TUSC3: variants seen among roughly 807,000 people sequenced by gnomAD.
TUSC3 encodes the protein dolichyl-diphosphooligosaccharide--protein glycosyltransferase subunit TUSC3.
A neutral mutation model predicts 44.8 loss-of-function variants in TUSC3; 45 were observed. That is an observed-to-expected ratio of 1.00 (90% CI 0.79 to 1.29). The LOEUF is 1.29. Among genes scored for constraint, TUSC3 ranks in the 50% most tolerant of loss-of-function variants. TUSC3 has a pLI of 0.00. For synonymous variants in TUSC3, 212 were observed against 152.9 expected, an observed-to-expected ratio of 1.39 and a Z score of -2.85; for missense variants, 519 against 437.9, an observed-to-expected ratio of 1.19 and a Z score of -1.65.
chr8:15,842,205 A>G, the TUSC3 span, among the ~76,000 whole-genome samples: 3 of 152,182 alleles, frequency 2.0e-5, no homozygotes, highest in Non-Finnish European at 4.4e-5. Context: ...AAGAAGCTAC[A>G]TCCTAAGAGA....
intron 2 of TUSC3, among the ~76,000 whole-genome samples, chr8:15,530,463 A>T: frequency 6.6e-6 from 1 of 152,174 alleles, no homozygotes; most frequent in East Asian, 1.9e-4. Context: ...CACTTGTTTC[A>T]TCTTCATGGT....
At chr8:15,682,448 G>A (rs933893994) in intron 6 of TUSC3, among the ~76,000 whole-genome samples, 3 of 151,840 alleles carry the variant, frequency 2.0e-5, no homozygotes, top group Non-Finnish European at 2.9e-5. Flanking sequence ...AACTGTTGTC[G>A]TTTTAAAGTC....
intron 2 of TUSC3, among the ~76,000 whole-genome samples, chr8:15,630,930 C>T (rs1277689203): frequency 6.6e-6 from 1 of 152,048 alleles, no homozygotes; most frequent in Non-Finnish European, 1.5e-5. Context: ...AACTTGGGTC[C>T]CTTGTACATC....
At chr8:15,504,605 ATATATATATATATATATTTTTTTTT>A (rs1801022437) in intron 2 of TUSC3, among the ~76,000 whole-genome samples, 1 of 31,164 alleles carries the variant, frequency 3.2e-5, no homozygotes, top group African/African-American at 1.6e-4. Context: ...ATATATATAT[ATATATATATATATATATTTTTTTTT>A]TTTTTTTTTT....
intron 1 of TUSC3, among the ~76,000 whole-genome samples, chr8:15,588,467 T>C (rs190499009): frequency 1.3e-5 from 2 of 152,194 alleles, no homozygotes; most frequent in African/African-American, 4.8e-5. Context: ...TCGTTCCTTG[T>C]TGGATGAATA....
chr8:15,770,633 A>T (rs140444285), downstream of TUSC3, among the ~76,000 whole-genome samples: 2 of 152,038 alleles, frequency 1.3e-5, no homozygotes, highest in African/African-American at 2.4e-5. Flanking sequence ...TTGAAATTAT[A>T]ATAATATAGT....
chr8:15,658,226 C>A (rs1378258875), intron 3 of TUSC3, among the ~76,000 whole-genome samples: 1 of 152,072 alleles, frequency 6.6e-6, no homozygotes, highest in African/African-American at 2.4e-5. Context: ...AATTTGATTG[C>A]ATTTGCAGTA....
chr8:15,811,045 G>A, the TUSC3 span, among the ~76,000 whole-genome samples: 3 of 151,964 alleles, frequency 2.0e-5, no homozygotes, highest in Non-Finnish European at 2.9e-5. Flanking sequence ...AGCAGAGAGT[G>A]AGGAAAGGAA....
At chr8:15,851,348 G>C in the TUSC3 span, among the ~76,000 whole-genome samples, 1 of 152,140 alleles carries the variant, frequency 6.6e-6, no homozygotes, top group African/African-American at 2.4e-5. Context: ...TAGAGAAAAA[G>C]GGACAATGTA....
At chr8:15,606,823 G>A (rs1160386555) in intron 1 of TUSC3, among the ~76,000 whole-genome samples, 3 of 152,048 alleles carry the variant, frequency 2.0e-5, no homozygotes, top group Non-Finnish European at 2.9e-5. Context: ...TATTATAAAT[G>A]TGACTTCTTG....
intron 3 of TUSC3, 170 bp downstream of exon 3, chr8:15,650,984 TACACACACACACACACACACACAC>T (rs3070913): frequency 4.0e-6 from 2 of 501,876 alleles, no homozygotes; most frequent in South Asian, 2.0e-5. Flanking sequence ...GCAAGACTTT[TACACACACACACACACACACACAC>T]ACACACACAC....
At chr8:15,601,224 T>C (rs541362121) in intron 1 of TUSC3, among the ~76,000 whole-genome samples, 4 of 151,728 alleles carry the variant, frequency 2.6e-5, no homozygotes, top group Non-Finnish European at 5.9e-5. Context: ...AATTTACTTA[T>C]TATCATGGCT....
intron 1 of TUSC3, among the ~76,000 whole-genome samples, chr8:15,443,237 G>T (rs924784703): frequency 6.6e-6 from 1 of 151,758 alleles, no homozygotes; most frequent in African/African-American, 2.4e-5. Flanking sequence ...GCAGTGGTGT[G>T]ATCACAGCTC....
chr8:15,479,500 A>G (rs933633343), intron 1 of TUSC3, among the ~76,000 whole-genome samples: 12 of 152,260 alleles, frequency 7.9e-5, no homozygotes, highest in Admixed American at 5.9e-4. Flanking sequence ...TTTTCTGTAT[A>G]TGGCTAGCCA....
At chr8:15,497,174 C>G (rs1475549948) in intron 2 of TUSC3, among the ~76,000 whole-genome samples, 1 of 152,154 alleles carries the variant, frequency 6.6e-6, no homozygotes, top group South Asian at 2.1e-4. Flanking sequence ...TCTTGGTAAG[C>G]ATCTCTGAGA....
intron 1 of TUSC3, among the ~76,000 whole-genome samples, chr8:15,446,462 C>G (rs961956733): frequency 1.1e-4 from 16 of 152,102 alleles, no homozygotes; most frequent in Non-Finnish European, 2.4e-4. Flanking sequence ...GAGCGAGACT[C>G]CGTCTGCAAT....
chr8:15,621,523 T>A (rs565284433), intron 1 of TUSC3, among the ~76,000 whole-genome samples: 10 of 147,530 alleles, frequency 6.8e-5, no homozygotes, highest in South Asian at 2.1e-4. Flanking sequence ...ATGTAAAATA[T>A]ATATATATAT....
intron 1 of TUSC3, among the ~76,000 whole-genome samples, chr8:15,440,990 T>A (rs1320751144): frequency 6.6e-6 from 1 of 152,226 alleles, no homozygotes; most frequent in East Asian, 1.9e-4. Flanking sequence ...TGGAGGCAAG[T>A]ACTATTTCTG....
chr8:15,436,122 C>T (rs887252769), intron 1 of TUSC3, among the ~76,000 whole-genome samples: 5 of 152,160 alleles, frequency 3.3e-5, no homozygotes, highest in Non-Finnish European at 7.4e-5. Context: ...CAGTTCTTCT[C>T]ATAGGGTTTC....
Sources: allele counts gnomAD v4.1 joint callset (sites outside exome capture counted in the v4.1 genomes callset), GRCh38; gene constraint gnomAD v4.1.1; transcripts MANE v1.5; gene names NCBI Gene and HGNC (gene_info 2026-07-23, HGNC 2026-07-21).